MERTK: variants seen among roughly 807,000 people sequenced by gnomAD.
MERTK encodes the protein MER proto-oncogene, tyrosine kinase.
A neutral mutation model predicts 99.3 loss-of-function variants in MERTK; 69 were observed. The observed-to-expected ratio is 0.70, with a 90% CI of 0.57 to 0.85. The LOEUF is 0.85. MERTK is among the 40% of genes least tolerant of loss of function. MERTK has a pLI of 0.00. For missense variants in MERTK, 1,125 were observed against 1,249.4 expected (o/e 0.90, Z 1.50); for synonymous variants, 426 against 467.6 (o/e 0.91, Z 1.15).
At chr2:111,981,317 A>AT (rs1314282311) in intron 7 of MERTK, among the ~76,000 whole-genome samples, 3 of 152,188 alleles carry the variant, frequency 2.0e-5, no homozygotes, top group Non-Finnish European at 4.4e-5. Flanking sequence ...TTACAATCTG[A>AT]TTTTTCCCCC....
chr2:112,012,022 A>G (rs896663361), intron 15 of MERTK, among the ~76,000 whole-genome samples: 18 of 152,198 alleles, frequency 1.2e-4, no homozygotes, highest in African/African-American at 4.3e-4. Context: ...TAGGGGCAGG[A>G]AGTGTGCAAG....
chr2:111,954,817 C>T (rs1022034314), intron 4 of MERTK, among the ~76,000 whole-genome samples: 1 of 152,190 alleles, frequency 6.6e-6, no homozygotes, highest in Non-Finnish European at 1.5e-5. Context: ...TTGTGCTGGG[C>T]TCACAGGGGT....
intron 5 of MERTK, among the ~76,000 whole-genome samples, chr2:111,967,040 G>T (rs1459617101): frequency 6.6e-6 from 1 of 152,202 alleles, no homozygotes; most frequent in African/African-American, 2.4e-5. Flanking sequence ...TGTAGTTGTA[G>T]ATAGGGCGTG....
At chr2:111,968,675 G>A (rs144730971) in intron 6 of MERTK, among the ~76,000 whole-genome samples, 3,198 of 152,206 alleles carry the variant, frequency 0.021, 56 homozygotes, top group Middle Eastern at 0.068. Context: ...GATTACAGGC[G>A]TGCATCACCA....
At chr2:111,924,029 A>G (rs1192283573) in intron 1 of MERTK, among the ~76,000 whole-genome samples, 1 of 152,164 alleles carries the variant, frequency 6.6e-6, no homozygotes, top group Admixed American at 6.5e-5. Flanking sequence ...GCTCTAGAGA[A>G]CAATTTATAC....
chr2:112,028,773 C>G lies in MERTK; in HGVS notation c.2909C>G (p.Ser970Cys). 1 of 1,614,098 alleles carries G rather than the reference C, an allele frequency of 6.2e-7. No individual in the cohort carries two copies. The highest frequency in any genetic ancestry group is 1.7e-5 in the Admixed American group (1 of 60,014). ...CTTGTTAGGAATGGGGTCTCCTGGT[C>G]CCATTCGAGCATGCTGCCCTTGGGA... ...ERLVRNGVSW[S>C]HSSMLPLGSS... Residue 970 changes from serine (S) to cysteine (C), a missense_variant, in exon 19 of 19, where the codon TCC becomes TGC. Transcript: ENST00000295408.
intron 18 of MERTK, among the ~76,000 whole-genome samples, chr2:112,025,333 C>T (rs1677441947): frequency 1.3e-5 from 2 of 152,190 alleles, no homozygotes; most frequent in Admixed American, 6.5e-5. Flanking sequence ...TGATGCCCAT[C>T]CCAGCACCAC....
In MERTK at chr2:112,028,914, A is replaced by G; in HGVS notation, c.*50A>G. 1 of 1,612,546 alleles carries G rather than the reference A, an allele frequency of 6.2e-7. No homozygotes were observed. The highest frequency in any genetic ancestry group is 2.2e-5 in the East Asian group (1 of 44,878). On this transcript the variant is annotated 3_prime_UTR_variant, in exon 19 of 19. Coordinates refer to ENST00000295408, the MANE Select transcript of MERTK (RefSeq NM_006343.3). ...AAAATCAAGCCAATTCTTCTGCTGT[A>G]GGAGAATCCAATTGTACCTGATGTT... is the stretch of plus-strand genomic sequence containing the variant.
intron 7 of MERTK, among the ~76,000 whole-genome samples, chr2:111,978,092 A>G (rs1012368700): frequency 6.7e-6 from 1 of 148,946 alleles, no homozygotes; most frequent in African/African-American, 2.5e-5. Flanking sequence ...CTACAGGTGC[A>G]TGCCACCACA....
intron 1 of MERTK, among the ~76,000 whole-genome samples, chr2:111,905,752 A>G (rs1684126000): frequency 6.6e-6 from 1 of 152,140 alleles, no homozygotes; most frequent in Non-Finnish European, 1.5e-5. Context: ...TATAGGCGTG[A>G]GCCACCGTGC....
intron 2 of MERTK, among the ~76,000 whole-genome samples, chr2:111,944,385 G>A (rs1268940016): frequency 2.8e-4 from 2 of 7,042 alleles, no homozygotes; most frequent in Admixed American, 4.6e-3. Flanking sequence ...CGAACCTATA[G>A]GATCTGTGTC....
chr2:112,029,114 C>A lies in MERTK; in HGVS notation c.*250C>A. 8.5e-7 allele frequency: 1 copy of A among 1,169,630 alleles called. No individual in the cohort carries two copies. The highest frequency in any genetic ancestry group is 1.1e-6 in the Non-Finnish European group (1 of 939,690). The allele number at this position is 1,169,630 out of a possible 1,614,324, so 72.5% of individuals were successfully genotyped here. A position where few individuals can be genotyped will look rare whatever the true frequency, so the allele number is the denominator to read the frequency against. ...TAATAAAACATTACTTATTTCATTT[C>A]ACTTATCTTGCATATCTTAAAATTA... On this transcript the variant is annotated 3_prime_UTR_variant, in exon 19 of 19. Transcript: ENST00000295408.
At chr2:111,913,024 C>T in intron 1 of MERTK, 1 of 985,194 alleles carries the variant, frequency 1.0e-6, no homozygotes, top group Non-Finnish European at 1.2e-6. Context: ...TTAGAGAAGA[C>T]TGTCTAGGTA....
intron 13 of MERTK, among the ~76,000 whole-genome samples, chr2:112,007,186 G>A (rs1005646143): frequency 2.6e-5 from 4 of 151,948 alleles, no homozygotes; most frequent in South Asian, 2.1e-4. Context: ...ACGGAGTCTC[G>A]CTCTGTTGCC....
intron 4 of MERTK, among the ~76,000 whole-genome samples, chr2:111,955,822 A>G (rs1464466774): frequency 6.6e-6 from 1 of 152,184 alleles, no homozygotes; most frequent in Middle Eastern, 3.2e-3. Flanking sequence ...TAAAGAGCAG[A>G]ACTGCAAAGA....
At chr2:111,932,100 A>C (rs976108124) in intron 2 of MERTK, among the ~76,000 whole-genome samples, 7 of 152,194 alleles carry the variant, frequency 4.6e-5, no homozygotes, top group Non-Finnish European at 8.8e-5. Context: ...ATTATATATA[A>C]ACTCATTCTA....
Position 111,929,331 on chromosome 2 carries a change from A to C in MERTK, c.273A>C (p.Leu91=). Residue 91 remains leucine, a synonymous_variant, in exon 2 of 19, where the codon CTA becomes CTC. Transcript: ENST00000295408. ...TGACCTCTGTCGAATCAAAGCCCCT[A>C]CCGCCTCTTGCCTTCAAACACACAG... ...PQVTSVESKP[L]PPLAFKHTVG... is the part of the protein sequence containing the mutation. 2 of 1,614,138 alleles carry C rather than the reference A, an allele frequency of 1.2e-6. No individual in the cohort carries two copies. Among genetic ancestry groups the C allele is most frequent in the Non-Finnish European group, 1.7e-6 (2 of 1,180,038 alleles).
rs1685337188 is a variant in MERTK at position 111,965,205 on chromosome 2, G to A, written c.772G>A (p.Ala258Thr). Residue 258 changes from alanine to threonine, a missense_variant, in exon 5 of 19, where the codon GCG becomes ACG. By Grantham distance (58) the Ala-to-Thr change is moderately conservative. Transcript: ENST00000295408. The part of the protein sequence containing the change: ...VLTVPGLTEM[A>T]VFSCEAHNDK... ...TTCCATTCCAGGCCTGACGGAGATG[G>A]CGGTCTTCAGTTGTGAGGCCCACAA... 2 of 1,614,190 alleles carry A rather than the reference G, an allele frequency of 1.2e-6. No homozygotes were observed. Among genetic ancestry groups the A allele is most frequent in the Non-Finnish European group, 1.7e-6 (2 of 1,180,024 alleles).
At chr2:111,900,100 A>G (rs963763800) in intron 1 of MERTK, among the ~76,000 whole-genome samples, 2 of 151,218 alleles carry the variant, frequency 1.3e-5, no homozygotes, top group African/African-American at 4.9e-5. Flanking sequence ...TCGAGAATGC[A>G]CTTGACTAGC....
Sources: allele counts gnomAD v4.1 joint callset (sites outside exome capture counted in the v4.1 genomes callset), GRCh38; gene constraint gnomAD v4.1.1; transcripts MANE v1.5; gene names NCBI Gene and HGNC (gene_info 2026-07-23, HGNC 2026-07-21).